Variants in PEPD observed in about 807,000 individuals in gnomAD.
PEPD encodes peptidase D, also known as xaa-Pro dipeptidase.
Under a neutral mutation model 60.7 loss-of-function variants are expected in PEPD, and 53 were observed. The ratio of observed to expected loss-of-function variants is 0.87; its 90% CI spans 0.70 to 1.10. The LOEUF is 1.10. Among genes scored for constraint, PEPD ranks in the 50% least tolerant of loss-of-function variants. PEPD has a pLI of 0.00. For missense variants in PEPD, 711 were observed against 711.9 expected, an observed-to-expected ratio of 1.00 and a Z score of 0.01; for synonymous variants, 267 against 284.1, an observed-to-expected ratio of 0.94 and a Z score of 0.60.
rs1425612710 is a variant in PEPD, at chr19:33,512,456, C to T, written c.201+137G>A. On this transcript the variant is annotated intron_variant, in intron 2 of 14. Transcript: ENST00000244137. ...CTACATCTTCAAGGAGCCCCTGGAC[C>T]ACTTCCCAGGCGAGGAAACAGAGGC... 15 of 820,874 alleles carry T rather than the reference C, an allele frequency of 1.8e-5. No homozygotes were observed. The South Asian group carries it at 2.0e-4, about 11-fold the overall frequency. The allele number at this position is 820,874 out of a possible 1,614,324, so 50.8% of individuals were successfully genotyped here. A position where few individuals can be genotyped will look rare whatever the true frequency, so the allele number is the denominator to read the frequency against.
intron 9 of PEPD, among the ~76,000 whole-genome samples, chr19:33,429,252 C>T (rs57044223): frequency 0.13 from 19,608 of 150,708 alleles, 1,483 homozygotes; most frequent in East Asian, 0.28. Flanking sequence ...GAGCCTTTAC[C>T]GTGCTAAGCC....
intron 3 of PEPD, among the ~76,000 whole-genome samples, chr19:33,507,418 C>A (rs1288720857): frequency 6.6e-6 from 1 of 152,200 alleles, no homozygotes; most frequent in Non-Finnish European, 1.5e-5. Context: ...CCCTCCCCAT[C>A]CCAGAACAGG....
At chr19:33,400,047 G>T (rs979916060) in intron 12 of PEPD, among the ~76,000 whole-genome samples, 1 of 152,184 alleles carries the variant, frequency 6.6e-6, no homozygotes, top group South Asian at 2.1e-4. Flanking sequence ...TGCGCTACTG[G>T]GCTATCCCCT....
chr19:33,487,124 T>C (rs1274684133), intron 6 of PEPD: 1 of 152,202 alleles, frequency 6.6e-6, no homozygotes, highest in African/African-American at 2.4e-5. Context: ...CAGCTGGAGG[T>C]GCACCCGGCA....
At position 33,426,729 on chromosome 19, in the gene PEPD, G is replaced by A. The variant is rs73588224; in HGVS notation, c.672-13086C>T. ...CCATTAGGCTGGAGGGAACCAGGAG[G>A]AGCTGGGTCACTGAGGAAACAGGAG... On this transcript the variant is annotated intron_variant, in intron 9 of 14. Transcript: ENST00000244137. 8.4e-3 allele frequency among the ~76,000 whole-genome samples: 1,274 copies of A among 151,506 alleles called. 19 individuals are homozygous for A. The highest frequency in any genetic ancestry group is 0.03 in the African/African-American group (1,212 of 40,752).
At position 33,499,857 on chromosome 19, in the gene PEPD, G is replaced by A. The variant is rs1970676458; in HGVS notation, c.393+1081C>T. Among the ~76,000 whole-genome samples, 3 of 152,222 alleles carry A rather than the reference G, an allele frequency of 2.0e-5. No individual in the cohort carries two copies. In the South Asian group the frequency reaches 6.2e-4, roughly 32 times the overall value. ...ACCCCCGAGCTGGATGGGCCGGGCT[G>A]GGCCCCCACATGCTGGGCAGAGACA... On this transcript the variant is annotated intron_variant, in intron 4 of 14. Coordinates refer to ENST00000244137, the MANE Select transcript of PEPD (RefSeq NM_000285.4).
intron 7 of PEPD, among the ~76,000 whole-genome samples, chr19:33,470,067 G>A (rs376482743): frequency 1.3e-4 from 19 of 151,840 alleles, no homozygotes; most frequent in African/African-American, 3.4e-4. Flanking sequence ...AGACCCGGGC[G>A]TCATCCTAGA....
chr19:33,401,790 C>T lies in PEPD; in HGVS notation c.898G>A (p.Ala300Thr). Reference sequence around the variant, plus strand: ...GCCTCATAGACGGCCTTCTGGTCTGCAGTGAACTTGCCGTTGGCGGGAAAG... The same window carrying T: ...GCCTCATAGACGGCCTTCTGGTCTGTAGTGAACTTGCCGTTGGCGGGAAAG... ...CSFPANGKFT[A>T]DQKAVYEAVL... The change falls in exon 12 of 15, where the codon GCA (alanine) becomes ACA (threonine). Residue 300 changes from alanine (A) to threonine (T), a missense_variant. Transcript: ENST00000244137. The T allele has an allele frequency of 1.2e-6, 2 of 1,612,730 alleles. No individual in the cohort carries two copies. Among genetic ancestry groups the T allele is most frequent in the East Asian group, 2.2e-5 (1 of 44,838 alleles).
intron 1 of PEPD, 57 bp from the exon 2 acceptor site, chr19:33,512,833 G>A: frequency 6.3e-7 from 1 of 1,588,252 alleles, no homozygotes; most frequent in Non-Finnish European, 8.6e-7. Context: ...CTCCAAGCAT[G>A]CCCACACCTG....
chr19:33,427,864 T>C (rs1283101009), intron 9 of PEPD, among the ~76,000 whole-genome samples: 4 of 152,118 alleles, frequency 2.6e-5, no homozygotes, highest in Admixed American at 2.6e-4. Flanking sequence ...CCAACACTAC[T>C]CCCCAAAGCC....
chr19:33,483,598 C>T (rs1388943390), intron 6 of PEPD, among the ~76,000 whole-genome samples: 1 of 152,134 alleles, frequency 6.6e-6, no homozygotes, highest in Non-Finnish European at 1.5e-5. Context: ...TCACTTGAGC[C>T]CAGGAGTTCA....
chr19:33,428,854 G>C (rs559925804), intron 9 of PEPD, among the ~76,000 whole-genome samples: 10 of 152,328 alleles, frequency 6.6e-5, no homozygotes, highest in African/African-American at 2.4e-4. Context: ...AGGAACAGCA[G>C]GCCTGAACAT....
intron 12 of PEPD, among the ~76,000 whole-genome samples, chr19:33,398,506 G>C (rs899011822): frequency 2.0e-5 from 3 of 152,198 alleles, no homozygotes; most frequent in African/African-American, 7.2e-5. Context: ...GGCTGTGCCC[G>C]GCGGAGGGCT....
chr19:33,443,959 C>T (rs1269033900), intron 9 of PEPD, among the ~76,000 whole-genome samples: 3 of 150,566 alleles, frequency 2.0e-5, no homozygotes, highest in Admixed American at 6.6e-5. Context: ...TGCATGCATA[C>T]AAGTGCACGC....
At position 33,388,036 on chromosome 19, in the gene PEPD, C is replaced by T. The variant is rs1489733458; in HGVS notation, c.1198G>A (p.Ala400Thr). 1 of 1,562,516 alleles carries T rather than the reference C, an allele frequency of 6.4e-7. No individual in the cohort carries two copies. Among genetic ancestry groups the T allele is most frequent in the Non-Finnish European group, 8.7e-7 (1 of 1,153,906 alleles). Reference sequence around the variant, plus strand: ...ACCATGCCTGGCTGCAGGTGCCGTGCAGTGCGCAGGCTCCGCAGGCCGGGC... The same window carrying T: ...ACCATGCCTGGCTGCAGGTGCCGTGTAGTGCGCAGGCTCCGCAGGCCGGGC... ...DEPGLRSLRT[A>T]RHLQPGMVLT... is the part of the protein sequence containing the mutation. Residue 400 changes from alanine (A) to threonine (T), a missense_variant, in exon 14 of 15, where the codon GCA (alanine) becomes ACA (threonine). Ala to Thr is a moderately conservative substitution (Grantham distance 58). Coordinates refer to ENST00000244137, the MANE Select transcript of PEPD (RefSeq NM_000285.4).
intron 9 of PEPD, among the ~76,000 whole-genome samples, chr19:33,456,398 G>A (rs1453201613): frequency 6.6e-6 from 1 of 152,188 alleles, no homozygotes; most frequent in Non-Finnish European, 1.5e-5. Context: ...GCCAGCCAGG[G>A]TGCAGGACTC....
intron 9 of PEPD, among the ~76,000 whole-genome samples, chr19:33,446,617 C>T (rs1969599078): frequency 6.6e-6 from 1 of 152,236 alleles, no homozygotes; most frequent in Non-Finnish European, 1.5e-5. Context: ...TGAGGGGTCC[C>T]CTGTTTGCAC....
intron 11 of PEPD, among the ~76,000 whole-genome samples, chr19:33,404,502 G>C (rs1021595642): frequency 6.6e-6 from 1 of 152,098 alleles, no homozygotes; most frequent in Non-Finnish European, 1.5e-5. Flanking sequence ...AGAATACCCC[G>C]AACAATGAAA....
At chr19:33,503,070 G>A (rs963799446) in intron 3 of PEPD, among the ~76,000 whole-genome samples, 7 of 151,962 alleles carry the variant, frequency 4.6e-5, no homozygotes, top group African/African-American at 1.7e-4. Flanking sequence ...CTCCTGAACT[G>A]GTGTCCTATG....
Sources: gnomAD v4.1 joint callset for allele counts (sites outside exome capture counted in the v4.1 genomes callset) on GRCh38, gnomAD v4.1.1 for gene constraint, MANE v1.5 for transcripts, NCBI Gene and HGNC (gene_info 2026-07-23, HGNC 2026-07-21) for gene names.